Variants in SGCZ observed in about 807,000 individuals in gnomAD.
The protein encoded by SGCZ is sarcoglycan zeta, also known as zeta-sarcoglycan.
A neutral mutation model predicts 41.3 loss-of-function variants in SGCZ; 40 were observed. That is an observed-to-expected ratio of 0.97 (90% CI 0.75 to 1.26). The LOEUF (loss-of-function observed/expected upper bound fraction) is 1.26, where lower values mean the gene tolerates loss of function less well. Ranked by LOEUF, SGCZ falls within the 50% of genes most tolerant of loss-of-function variation. The probability of loss-of-function intolerance (pLI) is 0.00; values close to 1 mark genes in which losing one functional copy is unlikely to be tolerated. For synonymous variants in SGCZ, 206 were observed against 137.5 expected (o/e 1.50, Z -3.49); for missense variants, 552 against 369.8 (o/e 1.49, Z -4.04).
chr8:14,774,737 C>A (rs1212353108), intron 1 of SGCZ, among the ~76,000 whole-genome samples: 1 of 152,166 alleles, frequency 6.6e-6, no homozygotes, highest in East Asian at 1.9e-4. Context: ...AACCAATGAT[C>A]TTCATTAGCA....
intron 1 of SGCZ, among the ~76,000 whole-genome samples, chr8:14,917,207 A>G (rs1799462407): frequency 6.6e-6 from 1 of 152,136 alleles, no homozygotes; most frequent in Non-Finnish European, 1.5e-5. Flanking sequence ...GAGGCTCACC[A>G]CAATCTGATT....
intron 2 of SGCZ, among the ~76,000 whole-genome samples, chr8:14,421,175 C>T (rs939634580): frequency 9.2e-5 from 14 of 151,982 alleles, no homozygotes; most frequent in African/African-American, 2.7e-4. Context: ...GTCTAACATT[C>T]TTGTACATGG....
intron 1 of SGCZ, among the ~76,000 whole-genome samples, chr8:14,707,121 G>A (rs1809357888): frequency 6.6e-6 from 1 of 151,298 alleles, no homozygotes; most frequent in East Asian, 2.0e-4. Context: ...TGCCATGTTG[G>A]TGTGCTGCAC....
intron 1 of SGCZ, among the ~76,000 whole-genome samples, chr8:14,891,813 A>T (rs557411352): frequency 6.6e-6 from 1 of 152,340 alleles, no homozygotes; most frequent in South Asian, 2.1e-4. Context: ...TTTAGCAACC[A>T]TCACCCTCAT....
intron 1 of SGCZ, among the ~76,000 whole-genome samples, chr8:14,815,764 T>C (rs1353957096): frequency 6.6e-6 from 1 of 152,212 alleles, no homozygotes; most frequent in African/African-American, 2.4e-5. Flanking sequence ...GGGCAATCTA[T>C]TATACTATCT....
chr8:15,071,179 T>C (rs1324944497), intron 1 of SGCZ, among the ~76,000 whole-genome samples: 1 of 152,194 alleles, frequency 6.6e-6, no homozygotes, highest in African/African-American at 2.4e-5. Flanking sequence ...TTAGGCTTTA[T>C]AATGTTTAAG....
At chr8:14,852,494 A>G (rs1803366066) in intron 1 of SGCZ, among the ~76,000 whole-genome samples, 1 of 152,186 alleles carries the variant, frequency 6.6e-6, no homozygotes, top group South Asian at 2.1e-4. Flanking sequence ...TCAAAATCAA[A>G]AATTAATTCA....
intron 4 of SGCZ, among the ~76,000 whole-genome samples, chr8:14,174,620 C>T (rs1344227065): frequency 6.6e-6 from 1 of 152,024 alleles, no homozygotes; most frequent in African/African-American, 2.4e-5. Context: ...AAAAAAGAAA[C>T]AACACTGAGA....
chr8:15,232,737 ATG>A (rs1193009835), intron 1 of SGCZ, among the ~76,000 whole-genome samples: 10 of 145,434 alleles, frequency 6.9e-5, no homozygotes, highest in African/African-American at 2.0e-4. Context: ...ATACATATAT[ATG>A]TGTGTATATA....
chr8:14,444,162 A>T (rs953973697), intron 2 of SGCZ, among the ~76,000 whole-genome samples: 6 of 152,138 alleles, frequency 3.9e-5, no homozygotes, highest in Non-Finnish European at 7.4e-5. Context: ...TCAGGAAACA[A>T]CAGGTGCTGG....
chr8:14,364,814 C>A (rs1056733169), intron 2 of SGCZ, among the ~76,000 whole-genome samples: 8 of 152,152 alleles, frequency 5.3e-5, no homozygotes, highest in Non-Finnish European at 5.9e-5. Context: ...CGTTTATAAT[C>A]TTTGCCCATG....
In SGCZ at chr8:14,604,012, A is replaced by G. The variant is rs555441410; in HGVS notation, c.40-49086T>C. On this transcript the variant is annotated intron_variant, in intron 1 of 7. Transcript: ENST00000382080. ...CAAACTGCCCTAAAAGTAATTCAAC[A>G]TCCTTAACAATTCATCCCAACTAAA... Among the ~76,000 whole-genome samples, 3 of 152,294 alleles carry G rather than the reference A, an allele frequency of 2.0e-5. No homozygotes were observed. In the South Asian group the frequency reaches 6.2e-4, roughly 32 times the overall value.
At chr8:14,824,651 A>G (rs1802231191) in intron 1 of SGCZ, among the ~76,000 whole-genome samples, 1 of 152,054 alleles carries the variant, frequency 6.6e-6, no homozygotes, top group African/African-American at 2.4e-5. Context: ...GACTAACAAA[A>G]TCTAAATATG....
At chr8:14,363,795 A>G (rs1345732053) in intron 2 of SGCZ, among the ~76,000 whole-genome samples, 2 of 152,184 alleles carry the variant, frequency 1.3e-5, no homozygotes, top group East Asian at 3.9e-4. Context: ...AAAAACATTC[A>G]GATTTATCTA....
intron 2 of SGCZ, among the ~76,000 whole-genome samples, chr8:14,485,931 T>G (rs1801660951): frequency 6.8e-6 from 1 of 147,372 alleles, no homozygotes; most frequent in African/African-American, 2.5e-5. Context: ...AAGCTCCGCT[T>G]CCCGGGTTCG....
rs1803524914 is a variant in SGCZ at position 15,028,231 on chromosome 8, G to GCT, written c.39+209352_39+209353dup. Reference sequence around the variant, plus strand: ...AGAATGAGGTTGCATTAAGGAAAGTGCTCTCATCTTCAGACTATAGCAATT... The same window carrying GCT: ...AGAATGAGGTTGCATTAAGGAAAGTGCTCTCTCATCTTCAGACTATAGCAATT... On this transcript the variant is annotated intron_variant, in intron 1 of 7. Coordinates refer to ENST00000382080, the MANE Select transcript of SGCZ (RefSeq NM_139167.4). Among the ~76,000 whole-genome samples, 4 of 152,148 alleles carry GCT rather than the reference G, an allele frequency of 2.6e-5. No individual in the cohort carries two copies. The South Asian group carries it at 8.3e-4, about 32-fold the overall frequency.
chr8:14,574,661 T>C (rs146620234), intron 1 of SGCZ, among the ~76,000 whole-genome samples: 1,583 of 152,324 alleles, frequency 0.01, 20 homozygotes, highest in Non-Finnish European at 0.018. Context: ...ACACTGTATC[T>C]TTGGGGCTTC....
At chr8:14,200,056 C>T (rs759194987) in intron 4 of SGCZ, among the ~76,000 whole-genome samples, 5 of 152,102 alleles carry the variant, frequency 3.3e-5, no homozygotes, top group Non-Finnish European at 7.4e-5. Flanking sequence ...CAATTGGGTC[C>T]GGTAGTATCC....
intron 2 of SGCZ, among the ~76,000 whole-genome samples, chr8:14,423,765 C>T (rs1273026751): frequency 1.3e-5 from 2 of 152,132 alleles, no homozygotes; most frequent in African/African-American, 2.4e-5. Flanking sequence ...TTTCTTCCTT[C>T]CTTCCGTCCC....
Sources: gnomAD v4.1 joint callset for allele counts (sites outside exome capture counted in the v4.1 genomes callset) on GRCh38, gnomAD v4.1.1 for gene constraint, MANE v1.5 for transcripts, NCBI Gene and HGNC (gene_info 2026-07-23, HGNC 2026-07-21) for gene names.